Variants in RBM19 observed in about 807,000 individuals in gnomAD.
RBM19 encodes the protein probable RNA-binding protein 19.
Under a neutral mutation model 116.8 loss-of-function variants are expected in RBM19, and 94 were observed. That is an observed-to-expected ratio of 0.80 (90% CI 0.68 to 0.95). The LOEUF is 0.95. Ranked by LOEUF, RBM19 falls within the 40% of genes least tolerant of loss-of-function variation. The pLI, the probability that RBM19 is intolerant of heterozygous loss-of-function variation, is 0.00. For missense variants in RBM19, 1,161 were observed against 1,220.7 expected, an observed-to-expected ratio of 0.95 and a Z score of 0.73; for synonymous variants, 475 against 494.1, an observed-to-expected ratio of 0.96 and a Z score of 0.51.
rs941662408 is a variant in RBM19 at position 113,921,178 on chromosome 12, C to T, written c.2306-488G>A. Among the ~76,000 whole-genome samples the T allele has an allele frequency of 3.9e-4, 60 of 152,166 alleles. 2 individuals carry two copies. Among genetic ancestry groups the T allele is most frequent in the Admixed American group, 3.5e-3 (53 of 15,276 alleles). ...AGATATAAAGTTTGGATCATGTGGG[C>T]GACTGCATTATTCAAACTTCTCTGG... On this transcript the variant is annotated intron_variant, in intron 18 of 23. Coordinates refer to ENST00000261741, the MANE Select transcript of RBM19 (RefSeq NM_016196.4).
chr12:113,941,297 G>A (rs1213163590), intron 14 of RBM19, among the ~76,000 whole-genome samples: 1 of 147,248 alleles, frequency 6.8e-6, no homozygotes, highest in Non-Finnish European at 1.5e-5. Flanking sequence ...TCAGGCCGCA[G>A]TGTTACAGTT....
chr12:113,886,392 C>T (rs1329369646), intron 21 of RBM19, among the ~76,000 whole-genome samples: 1 of 152,206 alleles, frequency 6.6e-6, no homozygotes, highest in African/African-American at 2.4e-5. Context: ...CTCTGCCTCC[C>T]GAAGTGCTGA....
chr12:113,839,845 C>G (rs1876310350), intron 23 of RBM19, among the ~76,000 whole-genome samples: 1 of 152,214 alleles, frequency 6.6e-6, no homozygotes, highest in Non-Finnish European at 1.5e-5. Flanking sequence ...AGGTCTTGCC[C>G]TGGAACACAC....
rs1881474660 is a variant in RBM19 at position 113,898,308 on chromosome 12, G to C, written c.2558+16661C>G. On this transcript the variant is annotated intron_variant, in intron 21 of 23. Coordinates refer to ENST00000261741, the MANE Select transcript of RBM19 (RefSeq NM_016196.4). The surrounding 1 kb of genome is among the most constrained non-coding windows in gnomAD (Gnocchi z 4.3). ...ATACGTGTACATACATGTGTATCAT[G>C]ATAGAACCGTGAAGAGATTTCAGTG... Among the ~76,000 whole-genome samples the C allele has an allele frequency of 6.6e-6, 1 of 152,128 alleles. No homozygotes were observed. Among genetic ancestry groups the C allele is most frequent in the Admixed American group, 6.5e-5 (1 of 15,280 alleles).
chr12:113,854,585 A>G (rs773081963), intron 22 of RBM19, among the ~76,000 whole-genome samples: 5 of 152,254 alleles, frequency 3.3e-5, no homozygotes, highest in Admixed American at 2.0e-4. Context: ...AGGGACTGAC[A>G]TTTACTGCCC....
rs1874540357 is a variant in RBM19 at position 113,823,001 on chromosome 12, T to A, written c.*223A>T. The A allele has an allele frequency of 3.6e-6, 2 of 555,348 alleles. No homozygotes were observed. The highest frequency in any genetic ancestry group is 6.5e-6 in the Non-Finnish European group (2 of 308,722). 34.4% of individuals were successfully genotyped at this position (555,348 alleles called of 1,614,324 possible). ...CTACAGAGCAGGTGCGCAGTCAGTG[T>A]CTGCTAGAACGCGTCACTGGTGAAA... is the stretch of plus-strand genomic sequence containing the variant. On this transcript the variant is annotated 3_prime_UTR_variant, in exon 24 of 24. Transcript: ENST00000261741.
chr12:113,848,471 G>A (rs1370880586), intron 22 of RBM19, among the ~76,000 whole-genome samples: 1 of 152,174 alleles, frequency 6.6e-6, no homozygotes, highest in African/African-American at 2.4e-5. Context: ...ATAGGCCTTG[G>A]ATAATCCAGA....
At chr12:113,821,855 G>A (rs1183773533), downstream of RBM19, among the ~76,000 whole-genome samples, 2 of 152,216 alleles carry the variant, frequency 1.3e-5, no homozygotes, top group African/African-American at 2.4e-5. Context: ...TAGAGGACAC[G>A]AGGCGCATGC....
intron 21 of RBM19, among the ~76,000 whole-genome samples, chr12:113,868,463 T>G (rs1414578791): frequency 6.6e-6 from 1 of 152,230 alleles, no homozygotes; most frequent in Non-Finnish European, 1.5e-5. Context: ...TTGATAGATA[T>G]TCTATGTTTA....
chr12:113,906,958 G>A (rs1269050575), intron 21 of RBM19, among the ~76,000 whole-genome samples: 1 of 152,102 alleles, frequency 6.6e-6, no homozygotes. Flanking sequence ...CAGAGGCAGA[G>A]ACGGGACTGA....
chr12:113,885,369 A>G (rs1358952755), intron 21 of RBM19, among the ~76,000 whole-genome samples: 1 of 152,214 alleles, frequency 6.6e-6, no homozygotes, highest in Non-Finnish European at 1.5e-5. Context: ...CAAAACTGTC[A>G]GGGTCGTGAA....
At chr12:113,918,371 A>G in intron 20 of RBM19, 21 bp downstream of exon 20, 1 of 1,614,054 alleles carries the variant, frequency 6.2e-7, no homozygotes, top group Non-Finnish European at 8.5e-7. Flanking sequence ...AGGAAAGGAA[A>G]TGAGGACACT....
Position 113,855,488 on chromosome 12 carries a change from G to A in RBM19, c.2664+3303C>T, listed in dbSNP as rs182574365. Among the ~76,000 whole-genome samples, 98 of 152,286 alleles carry A rather than the reference G, an allele frequency of 6.4e-4. 4 individuals are homozygous for A. In the South Asian group the frequency reaches 0.019, roughly 29 times the overall value. On this transcript the variant is annotated intron_variant, in intron 22 of 23. Transcript: ENST00000261741. ...GGTGGCCGATGCCAACACAGGGGGC[G>A]ACTATTTATCTTCATCGAGGGTGCC...
chr12:113,951,957 C>T (rs928150758), intron 8 of RBM19, among the ~76,000 whole-genome samples: 1 of 152,242 alleles, frequency 6.6e-6, no homozygotes, highest in African/African-American at 2.4e-5. Flanking sequence ...TGCTGAATCT[C>T]CCAGTGTCCT....
At chr12:113,899,704 T>C (rs556673687) in intron 21 of RBM19, among the ~76,000 whole-genome samples, 4 of 152,202 alleles carry the variant, frequency 2.6e-5, no homozygotes, top group South Asian at 2.1e-4. Flanking sequence ...TAAAAAGCAG[T>C]GTTTGAGACC....
In RBM19 at chr12:113,959,346, G is replaced by A. The variant is rs771280749; in HGVS notation, c.437C>T (p.Ala146Val). The change falls in exon 5 of 24, where the codon GCA becomes GTA. Residue 146 changes from alanine (A) to valine (V), a missense_variant. Ala to Val is a moderately conservative substitution (Grantham distance 64). Coordinates refer to ENST00000261741, the MANE Select transcript of RBM19 (RefSeq NM_016196.4). ...FLSVHQRRAQ[A>V]ATWANDGLDA... Reference sequence around the variant, plus strand: ...CAGGCCATCATTCGCCCAAGTGGCTGCCTGCGCCCGCCTCTGATGAACTGA... The same window carrying A: ...CAGGCCATCATTCGCCCAAGTGGCTACCTGCGCCCGCCTCTGATGAACTGA... 5 of 1,613,342 alleles carry A rather than the reference G, an allele frequency of 3.1e-6. No homozygotes were observed. The African/African-American group carries it at 5.3e-5, about 17-fold the overall frequency.
At chr12:113,910,671 C>G (rs148241423) in intron 21 of RBM19, among the ~76,000 whole-genome samples, 1 of 152,246 alleles carries the variant, frequency 6.6e-6, no homozygotes, top group Non-Finnish European at 1.5e-5. Flanking sequence ...GGTTTAACAA[C>G]AGTCTTACCA....
intron 23 of RBM19, among the ~76,000 whole-genome samples, chr12:113,843,997 C>T (rs972602892): frequency 3.3e-5 from 5 of 152,226 alleles, no homozygotes; most frequent in African/African-American, 1.2e-4. Context: ...GCCTCTCTAG[C>T]CCACCTGATG....
chr12:113,819,025 C>T (rs1421178442), downstream of RBM19, among the ~76,000 whole-genome samples: 1 of 152,230 alleles, frequency 6.6e-6, no homozygotes. Flanking sequence ...TACCAGCCTT[C>T]CAGGCGCCCG....
Sources: gnomAD v4.1 joint callset for allele counts (sites outside exome capture counted in the v4.1 genomes callset) on GRCh38, gnomAD v4.1.1 for gene constraint, Gnocchi (gnomAD v3.1) non-coding constraint, MANE v1.5 for transcripts, NCBI Gene and HGNC (gene_info 2026-07-23, HGNC 2026-07-21) for gene names.